POGLUT3: variants seen among roughly 807,000 people sequenced by gnomAD.
The protein encoded by POGLUT3 is protein O-glucosyltransferase 3.
POGLUT3 carries 48 observed loss-of-function variants against 54.3 expected under a neutral mutation model. The observed-to-expected ratio is 0.88, with a 90% CI of 0.70 to 1.12. The LOEUF is 1.12. POGLUT3 is among the 50% of genes most tolerant of loss of function. The pLI is 0.00. For missense variants in POGLUT3, 629 were observed against 618.7 expected, an observed-to-expected ratio of 1.02 and a Z score of -0.18; for synonymous variants, 218 against 237.4, an observed-to-expected ratio of 0.92 and a Z score of 0.75.
Position 108,481,294 on chromosome 11 carries a change from C to G in POGLUT3, c.984G>C (p.Leu328=). 6.2e-7 allele frequency: 1 copy of G among 1,613,018 alleles called. No homozygotes were observed. Among genetic ancestry groups the G allele is most frequent in the Non-Finnish European group, 8.5e-7 (1 of 1,179,540 alleles). ...CTAGTAGCTGAGGATTTTCTTTGGA[C>G]AGCTGTACCAACTGGAGCCTCTCCT... is the stretch of plus-strand genomic sequence containing the variant. ...SREERLQLVQ[L]SKENPQLLDA... The change falls in exon 5 of 8, where the codon CTG becomes CTC. Residue 328 remains leucine (L), a synonymous_variant. Transcript: ENST00000323468.
intron 6 of POGLUT3, 126 bp from the exon 7 acceptor site, chr11:108,477,837 G>A: frequency 1.4e-6 from 1 of 695,556 alleles, no homozygotes; most frequent in Non-Finnish European, 2.6e-6. Context: ...AGAACATAAT[G>A]GAATTATAAC....
intron 7 of POGLUT3, among the ~76,000 whole-genome samples, chr11:108,475,463 G>GTTTTTTTTTTTTTTT (rs367899085): frequency 9.1e-6 from 1 of 109,986 alleles, no homozygotes; most frequent in African/African-American, 3.8e-5. Context: ...AGTTTTTTTT[G>GTTTTTTTTTTTTTTT]TTTTTGTTTT....
intron 2 of POGLUT3, among the ~76,000 whole-genome samples, chr11:108,488,260 A>T (rs922118663): frequency 1.3e-5 from 2 of 149,600 alleles, no homozygotes; most frequent in East Asian, 4.1e-4. Context: ...CCTGACCTCA[A>T]GTGATCCACC....
rs756615846 is a variant in POGLUT3 at position 108,481,267 on chromosome 11, A to C, written c.1011T>G (p.Asp337Glu). The C allele has an allele frequency of 1.2e-6, 2 of 1,613,032 alleles. No individual in the cohort carries two copies. Among genetic ancestry groups the C allele is most frequent in the African/African-American group, 2.7e-5 (2 of 74,752 alleles). Reference sequence around the variant, plus strand: ...AAAAGAAATATCCTGTAATTCCTGCATCTAGTAGCTGAGGATTTTCTTTGG... The same window carrying C: ...AAAAGAAATATCCTGTAATTCCTGCCTCTAGTAGCTGAGGATTTTCTTTGG... Reference protein sequence around the residue: ...QLSKENPQLLDAGITGYFFFQ... With the variant: ...QLSKENPQLLEAGITGYFFFQ... Residue 337 changes from aspartate to glutamate, a missense_variant, in exon 5 of 8, where the codon GAT becomes GAG. Coordinates refer to ENST00000323468, the MANE Select transcript of POGLUT3 (RefSeq NM_153705.5).
At chr11:108,481,495 ATCT>A (rs1299710547) in intron 4 of POGLUT3, 119 bp from the exon 5 acceptor site, 2 of 769,798 alleles carry the variant, frequency 2.6e-6, no homozygotes, top group African/African-American at 3.7e-5. Flanking sequence ...TTATCAACTC[ATCT>A]TCTAAAGTAG....
intron 7 of POGLUT3, among the ~76,000 whole-genome samples, 169 bp downstream of exon 7, chr11:108,477,436 CCA>C: frequency 6.6e-6 from 1 of 151,926 alleles, no homozygotes; most frequent in East Asian, 1.9e-4. Flanking sequence ...AAAAAGGGGG[CCA>C]CCAAATGAAG....
At chr11:108,486,625 T>G (rs920983449) in intron 2 of POGLUT3, 185 bp from the exon 3 acceptor site, 2 of 617,686 alleles carry the variant, frequency 3.2e-6, no homozygotes, top group Non-Finnish European at 5.6e-6. Context: ...CACACCACCT[T>G]GGATAAACAG....
intron 2 of POGLUT3, among the ~76,000 whole-genome samples, chr11:108,490,323 G>A (rs530829678): frequency 5.5e-4 from 83 of 152,202 alleles, no homozygotes; most frequent in African/African-American, 2.0e-3. Flanking sequence ...TCAGCCTCCC[G>A]AGTAGCTGGG....
chr11:108,478,177 CTAAT>C (rs2093585770), intron 6 of POGLUT3: 2 of 150,534 alleles, frequency 1.3e-5, no homozygotes, highest in African/African-American at 5.0e-5. Context: ...AATAAATAAA[CTAAT>C]AAATAAATAA....
rs749997715 is a variant in POGLUT3, at chr11:108,486,373, A to T, written c.468T>A (p.Cys156Ter). 1 of 1,614,150 alleles carries T rather than the reference A, an allele frequency of 6.2e-7. No individual in the cohort carries two copies. Among genetic ancestry groups the T allele is most frequent in the Non-Finnish European group, 8.5e-7 (1 of 1,180,036 alleles). Residue 156 changes from cysteine to a stop codon, truncating the protein, a stop_gained, in exon 3 of 8, where the codon TGT (cysteine) becomes TGA (stop). Transcript: ENST00000323468. LOFTEE classifies it high-confidence loss of function. The stretch of plus-strand genomic sequence containing the variant: ...TTGCAATCTGTGGTTCCTTGGTTGG[A>T]CAAGAAAGAGTCTTCTGCCAGGCCT... The part of the protein sequence containing the change: ...DPQAWQKTLS[C>*]PTKEPQIAKD...
chr11:108,481,069 A>G (rs1043172254), intron 5 of POGLUT3, 111 bp downstream of exon 5: 5 of 747,866 alleles, frequency 6.7e-6, no homozygotes, highest in East Asian at 2.5e-5. Flanking sequence ...AAGTGTGAAC[A>G]TGTGTGTCAG....
chr11:108,482,833 G>A (rs1254684604), intron 3 of POGLUT3, among the ~76,000 whole-genome samples: 1 of 152,072 alleles, frequency 6.6e-6, no homozygotes, highest in South Asian at 2.1e-4. Context: ...GAATAGCTTC[G>A]ATAACCCTCT....
intron 4 of POGLUT3, 55 bp downstream of exon 4, chr11:108,481,951 C>A: frequency 2.9e-6 from 4 of 1,366,876 alleles, no homozygotes; most frequent in Admixed American, 1.8e-5. Flanking sequence ...TATGTATAAC[C>A]CACTCTGTCT....
Position 108,474,663 on chromosome 11 carries a change from A to G in POGLUT3, c.*164T>C. 1 of 601,250 alleles carries G rather than the reference A, an allele frequency of 1.7e-6. No individual in the cohort carries two copies. Among genetic ancestry groups the G allele is most frequent in the Non-Finnish European group, 2.7e-6 (1 of 367,856 alleles). 37.2% of individuals were successfully genotyped at this position (601,250 alleles called of 1,614,324 possible). On this transcript the variant is annotated 3_prime_UTR_variant, in exon 8 of 8. Transcript: ENST00000323468. ...AAACACTCCTGGTCCTAAGCATTTCAGATGAGGGATACTCAACCAGTACTG... is the reference window on the plus strand; with the variant it reads ...AAACACTCCTGGTCCTAAGCATTTCGGATGAGGGATACTCAACCAGTACTG...
chr11:108,490,290 C>T (rs569867041), intron 2 of POGLUT3, among the ~76,000 whole-genome samples: 17 of 152,108 alleles, frequency 1.1e-4, no homozygotes, highest in African/African-American at 3.9e-4. Flanking sequence ...CTCCACCTCC[C>T]GGGTTCAAGC....
chr11:108,496,196 C>T (rs1322806898), intron 1 of POGLUT3, among the ~76,000 whole-genome samples: 1 of 151,790 alleles, frequency 6.6e-6, no homozygotes, highest in African/African-American at 2.4e-5. Flanking sequence ...TGGATTATGC[C>T]TGTAATCCCA....
At position 108,474,782 on chromosome 11, in the gene POGLUT3, C is replaced by G; in HGVS notation, c.*45G>C. ...CTTCACAGCTTAGATTCAATCTTTC[C>G]TTAAAGTGTAGCCGGGATACACAGG... is the stretch of plus-strand genomic sequence containing the variant. On this transcript the variant is annotated 3_prime_UTR_variant, in exon 8 of 8. Coordinates refer to ENST00000323468, the MANE Select transcript of POGLUT3 (RefSeq NM_153705.5). 6.3e-7 allele frequency: 1 copy of G among 1,577,080 alleles called. No homozygotes were observed. The highest frequency in any genetic ancestry group is 8.6e-7 in the Non-Finnish European group (1 of 1,164,096).
rs143747101 is a variant in POGLUT3 at position 108,484,954 on chromosome 11, C to T, written c.684+1203G>A. Among the ~76,000 whole-genome samples, 53 of 151,512 alleles carry T rather than the reference C, an allele frequency of 3.5e-4. 1 individual carries two copies. In the East Asian group the frequency reaches 9.5e-3, roughly 27 times the overall value. Reference sequence around the variant, plus strand: ...GAGGCTGAATAGTGAGATAAGGGGGCGCTATTGGGGGATGTGGGGAGCCTG... The same window carrying T: ...GAGGCTGAATAGTGAGATAAGGGGGTGCTATTGGGGGATGTGGGGAGCCTG... On this transcript the variant is annotated intron_variant, in intron 3 of 7. Transcript: ENST00000323468.
At chr11:108,475,561 A>G (rs1565744588) in intron 7 of POGLUT3, among the ~76,000 whole-genome samples, 3 of 143,978 alleles carry the variant, frequency 2.1e-5, no homozygotes. Flanking sequence ...CCAACATCCT[A>G]GGCTCAAGTG....
Sources: allele counts gnomAD v4.1 joint callset (sites outside exome capture counted in the v4.1 genomes callset), GRCh38; gene constraint gnomAD v4.1.1; transcripts MANE v1.5; gene names NCBI Gene and HGNC (gene_info 2026-07-23, HGNC 2026-07-21).